CDH13: variants seen among roughly 807,000 people sequenced by gnomAD.
The protein encoded by CDH13 is cadherin-13.
A neutral mutation model predicts 63.8 loss-of-function variants in CDH13; 24 were observed. The ratio of observed to expected loss-of-function variants is 0.38; its 90% CI spans 0.27 to 0.53. CDH13 has a LOEUF of 0.53. Among genes scored for constraint, CDH13 ranks in the 20% least tolerant of loss-of-function variants. CDH13 has a pLI of 0.85. For synonymous variants in CDH13, 503 were observed against 355.3 expected (o/e 1.42, Z -4.67); for missense variants, 1,049 against 903.1 (o/e 1.16, Z -2.07).
chr16:83,014,565 C>G (rs1320394675), intron 2 of CDH13, among the ~76,000 whole-genome samples: 2 of 150,168 alleles, frequency 1.3e-5, no homozygotes, highest in Non-Finnish European at 3.0e-5. Context: ...GAAACCCTGT[C>G]TCTACTAAAA....
At chr16:83,762,227 C>A (rs1416581593) in intron 11 of CDH13, among the ~76,000 whole-genome samples, 8 of 152,040 alleles carry the variant, frequency 5.3e-5, no homozygotes, top group Non-Finnish European at 8.8e-5. Context: ...AAGTTGTGAC[C>A]TTTAATGCTG....
intron 8 of CDH13, among the ~76,000 whole-genome samples, chr16:83,605,784 C>T (rs1051118312): frequency 1.3e-5 from 2 of 152,172 alleles, no homozygotes; most frequent in African/African-American, 4.8e-5. Context: ...AAAGGGCCAC[C>T]TCCCCTCCAG....
intron 6 of CDH13, among the ~76,000 whole-genome samples, chr16:83,455,566 C>G (rs935976380): frequency 9.3e-4 from 142 of 152,172 alleles, no homozygotes; most frequent in Non-Finnish European, 1.4e-3. Context: ...CATTGCTACA[C>G]GTGGCTCCTT....
At chr16:82,992,708 A>C (rs1021164796) in intron 2 of CDH13, among the ~76,000 whole-genome samples, 2 of 152,246 alleles carry the variant, frequency 1.3e-5, no homozygotes, top group Non-Finnish European at 2.9e-5. Flanking sequence ...TATACAAAAA[A>C]AAGTTACTAT....
intron 3 of CDH13, among the ~76,000 whole-genome samples, chr16:83,118,419 G>T (rs1283826530): frequency 6.6e-6 from 1 of 152,212 alleles, no homozygotes; most frequent in Non-Finnish European, 1.5e-5. Context: ...ACCCGCATGT[G>T]CATAAGTGTG....
intron 6 of CDH13, among the ~76,000 whole-genome samples, chr16:83,428,715 C>T (rs905115823): frequency 1.3e-5 from 2 of 152,160 alleles, no homozygotes; most frequent in East Asian, 1.9e-4. Flanking sequence ...TATCGGTTTG[C>T]GATTCTCTTC....
intron 6 of CDH13, among the ~76,000 whole-genome samples, chr16:83,439,349 G>C: frequency 6.6e-6 from 1 of 152,208 alleles, no homozygotes; most frequent in Non-Finnish European, 1.5e-5. Flanking sequence ...AAGAAGTTGG[G>C]TTGATTGCTC....
At chr16:83,408,178 T>G (rs770482537) in intron 6 of CDH13, among the ~76,000 whole-genome samples, 2 of 152,212 alleles carry the variant, frequency 1.3e-5, no homozygotes, top group Non-Finnish European at 2.9e-5. Context: ...TGACTATGAC[T>G]GTATCACTCT....
intron 1 of CDH13, chr16:82,639,484 G>A (rs1909119351): frequency 6.8e-7 from 1 of 1,473,354 alleles, no homozygotes; most frequent in South Asian, 1.2e-5. Flanking sequence ...GCCTGCTGCT[G>A]TGTCGTGTGG....
At chr16:83,031,935 A>T in intron 2 of CDH13, 75 bp from the exon 3 acceptor site, 1 of 1,158,308 alleles carries the variant, frequency 8.6e-7, no homozygotes, top group Non-Finnish European at 1.3e-6. Context: ...ATTCACACTT[A>T]ATAGGTCAGA....
Position 83,032,681 on chromosome 16 carries a change from G to C in CDH13, c.366+463G>C, listed in dbSNP as rs1489967141. Among the ~76,000 whole-genome samples the C allele has an allele frequency of 2.0e-5, 3 of 152,126 alleles. No homozygotes were observed. In the East Asian group the frequency reaches 5.8e-4, roughly 29 times the overall value. ...CCTTGGAATTCAGTCTCGTAGGTTA[G>C]ATCATGTGTCCACCCCTGAACTAAA... On this transcript the variant is annotated intron_variant, in intron 3 of 13. Coordinates refer to ENST00000567109, the MANE Select transcript of CDH13 (RefSeq NM_001257.5).
chr16:82,854,872 C>A (rs28433236), intron 1 of CDH13, among the ~76,000 whole-genome samples: 36,490 of 152,048 alleles, frequency 0.24, 4,974 homozygotes, highest in Non-Finnish European at 0.32. Flanking sequence ...TTATATTTAA[C>A]AATTATTGAC....
At chr16:83,742,181 G>A (rs1011970713) in intron 10 of CDH13, among the ~76,000 whole-genome samples, 3 of 152,240 alleles carry the variant, frequency 2.0e-5, no homozygotes, top group African/African-American at 7.2e-5. Context: ...TCAACAGCTG[G>A]CCCTGGCCAC....
chr16:83,003,156 G>A (rs181597115), intron 2 of CDH13, among the ~76,000 whole-genome samples: 6 of 152,244 alleles, frequency 3.9e-5, no homozygotes, highest in South Asian at 4.1e-4. Context: ...TTTGTAATTT[G>A]TCTGTGTGTT....
At chr16:82,672,305 C>A (rs925116303) in intron 1 of CDH13, among the ~76,000 whole-genome samples, 3 of 152,158 alleles carry the variant, frequency 2.0e-5, no homozygotes, top group African/African-American at 7.2e-5. Context: ...CTCATTATTA[C>A]TCCTTGATAG....
At chr16:82,857,066 C>A (rs1345410175) in intron 1 of CDH13, among the ~76,000 whole-genome samples, 1 of 152,132 alleles carries the variant, frequency 6.6e-6, no homozygotes, top group East Asian at 1.9e-4. Context: ...AGAAAAAATG[C>A]AAAGTCCTGC....
chr16:83,354,688 G>C (rs556782115), intron 6 of CDH13, among the ~76,000 whole-genome samples: 1 of 152,168 alleles, frequency 6.6e-6, no homozygotes, highest in Non-Finnish European at 1.5e-5. Context: ...TGTTCCAGAC[G>C]CAGGGGCCAG....
At chr16:82,999,143 G>T (rs1204714997) in intron 2 of CDH13, among the ~76,000 whole-genome samples, 3 of 151,944 alleles carry the variant, frequency 2.0e-5, no homozygotes, top group African/African-American at 7.3e-5. Flanking sequence ...ACATTCTTTG[G>T]ACTTGTCCTC....
intron 1 of CDH13, among the ~76,000 whole-genome samples, chr16:82,753,108 T>G (rs1325181394): frequency 2.6e-5 from 4 of 152,148 alleles, no homozygotes; most frequent in African/African-American, 9.7e-5. Context: ...AGTGACCTCT[T>G]ACAAACAGTA....
Sources: gnomAD v4.1 joint callset for allele counts (sites outside exome capture counted in the v4.1 genomes callset) on GRCh38, gnomAD v4.1.1 for gene constraint, MANE v1.5 for transcripts, NCBI Gene and HGNC (gene_info 2026-07-23, HGNC 2026-07-21) for gene names.